The following AFTPH variants were observed in gnomAD, a reference collection of about 807,000 sequenced individuals.
AFTPH encodes aftiphilin protein.
AFTPH carries 7 observed loss-of-function variants against 72.5 expected under a neutral mutation model. That is an observed-to-expected ratio of 0.10 (90% CI 0.05 to 0.18). AFTPH has a LOEUF of 0.18. AFTPH is among the 10% of genes least tolerant of loss of function. The pLI, the probability that AFTPH is intolerant of heterozygous loss-of-function variation, is 1.00. For synonymous variants in AFTPH, 337 were observed against 370.1 expected (o/e 0.91, Z 1.03); for missense variants, 979 against 1,060.5 (o/e 0.92, Z 1.07).
At chr2:64,552,877 T>G in exon 2 of AFTPH, 1 of 1,614,214 alleles carries the variant, frequency 6.2e-7, no homozygotes, top group South Asian at 1.1e-5. Context: ...TCAGAGCACT[T>G]TCCACATTTT....
chr2:64,567,857 A>G, intron 3 of AFTPH, 144 bp downstream of exon 3: 1 of 798,126 alleles, frequency 1.3e-6, no homozygotes, highest in Non-Finnish European at 1.9e-6. Flanking sequence ...CCTAGCCAAC[A>G]TGGTGAAACC....
At chr2:64,559,895 G>C (rs1051910766) in intron 2 of AFTPH, among the ~76,000 whole-genome samples, 4 of 152,038 alleles carry the variant, frequency 2.6e-5, no homozygotes, top group Non-Finnish European at 4.4e-5. Context: ...TATAGAAATG[G>C]GATTTTGCCA....
At chr2:64,589,319 C>T (rs1477357913) in intron 8 of AFTPH, among the ~76,000 whole-genome samples, 1 of 152,110 alleles carries the variant, frequency 6.6e-6, no homozygotes, top group African/African-American at 2.4e-5. Flanking sequence ...AAGGTTTTGG[C>T]ACATTTGTCA....
chr2:64,577,293 A>G (rs1432094898), intron 6 of AFTPH, among the ~76,000 whole-genome samples: 2 of 152,186 alleles, frequency 1.3e-5, no homozygotes, highest in African/African-American at 4.8e-5. Context: ...ATACTTGTAT[A>G]CTTGTGAACA....
intron 1 of AFTPH, among the ~76,000 whole-genome samples, chr2:64,529,636 T>C (rs184752656): frequency 4.0e-5 from 6 of 149,822 alleles, no homozygotes; most frequent in African/African-American, 1.5e-4. Flanking sequence ...CAAATCACTT[T>C]TTTTTTTTTT....
At chr2:64,525,937 A>AGAT (rs1669234788) in intron 1 of AFTPH, among the ~76,000 whole-genome samples, 1 of 152,264 alleles carries the variant, frequency 6.6e-6, no homozygotes, top group African/African-American at 2.4e-5. Context: ...GGCACCTAGC[A>AGAT]GATATTCATT....
At chr2:64,581,207 C>T in intron 7 of AFTPH, 1 of 1,597,754 alleles carries the variant, frequency 6.3e-7, no homozygotes, top group Non-Finnish European at 8.5e-7. Flanking sequence ...AGGTTCCACT[C>T]TTCTGAACCT....
intron 1 of AFTPH, among the ~76,000 whole-genome samples, chr2:64,531,328 C>G (rs1480419900): frequency 2.0e-5 from 3 of 152,130 alleles, no homozygotes; most frequent in Non-Finnish European, 4.4e-5. Flanking sequence ...ATAATAAAAT[C>G]ACTCCTACCA....
chr2:64,569,584 T>C, intron 4 of AFTPH, 39 bp from the exon 5 acceptor site: 1 of 1,594,002 alleles, frequency 6.3e-7, no homozygotes, highest in Non-Finnish European at 8.6e-7. Context: ...GATAGATTAT[T>C]CTCTAAATAT....
At chr2:64,581,647 AGAAT>A (rs1193938452) in intron 7 of AFTPH, among the ~76,000 whole-genome samples, 6 of 150,174 alleles carry the variant, frequency 4.0e-5, no homozygotes, top group Admixed American at 2.6e-4. Context: ...AGAGATAGAT[AGAAT>A]ATTTTAGTAT....
rs144786362 is a variant in AFTPH, at chr2:64,570,070, A to T, written c.2271+391A>T. On this transcript the variant is annotated intron_variant, in intron 5 of 8. Coordinates refer to ENST00000238856, the Ensembl canonical transcript of AFTPH. ...AATGCAATATTGAGGCTATAGATGT[A>T]CATAAAAGCTTAGAAACACCAAATT... 1.8e-4 allele frequency among the ~76,000 whole-genome samples: 28 copies of T among 152,334 alleles called. No homozygotes were observed. In the South Asian group the frequency reaches 3.1e-3, roughly 17 times the overall value.
At chr2:64,576,490 G>GT (rs1672810158) in intron 6 of AFTPH, among the ~76,000 whole-genome samples, 1 of 152,104 alleles carries the variant, frequency 6.6e-6, no homozygotes. Flanking sequence ...GGTGAAAACA[G>GT]TAATTTTACC....
chr2:64,578,630 T>C (rs920490395), intron 6 of AFTPH, among the ~76,000 whole-genome samples: 4 of 151,898 alleles, frequency 2.6e-5, no homozygotes, highest in African/African-American at 9.7e-5. Context: ...CGATCTCGGC[T>C]CACTGCAACC....
intron 6 of AFTPH, among the ~76,000 whole-genome samples, chr2:64,575,747 A>ATATTT (rs1553404083): frequency 1.8e-5 from 2 of 109,744 alleles, no homozygotes; most frequent in South Asian, 3.1e-4. Context: ...GTGTGTATAT[A>ATATTT]TTTTTTTTGG....
At chr2:64,581,317 A>T in intron 7 of AFTPH, 44 bp downstream of exon 8, 1 of 1,493,930 alleles carries the variant, frequency 6.7e-7, no homozygotes, top group African/African-American at 1.4e-5. Flanking sequence ...ATTTACTAAA[A>T]GCATGACCAC....
At chr2:64,583,059 C>T (rs1188996241) in intron 7 of AFTPH, among the ~76,000 whole-genome samples, 1 of 152,010 alleles carries the variant, frequency 6.6e-6, no homozygotes. Flanking sequence ...AATTTGATTA[C>T]TATATATTTG....
intron 1 of AFTPH, among the ~76,000 whole-genome samples, chr2:64,535,529 G>A (rs773490678): frequency 2.6e-5 from 4 of 152,166 alleles, no homozygotes; most frequent in African/African-American, 4.8e-5. Context: ...TTGTGGGACC[G>A]TGAACAGATT....
chr2:64,568,505 A>G (rs1457044143), intron 3 of AFTPH, among the ~76,000 whole-genome samples: 1 of 152,240 alleles, frequency 6.6e-6, no homozygotes, highest in Non-Finnish European at 1.5e-5. Context: ...GGTGGAGCAT[A>G]TCCTCCAATA....
rs539470476 is a variant in AFTPH, at chr2:64,538,242, T to TA, written c.-32-13201_-32-13200insA. On this transcript the variant is annotated intron_variant, in intron 1 of 8. Transcript: ENST00000238856. ...CTCAAGTTGTTTCTAACCAGATGTA[T>TA]TGGGTACCCTGCAAATAAATGTTAT... Among the ~76,000 whole-genome samples, 24 of 152,304 alleles carry TA rather than the reference T, an allele frequency of 1.6e-4. No individual in the cohort carries two copies. In the South Asian group the frequency reaches 4.1e-3, roughly 26 times the overall value.
Sources: allele counts gnomAD v4.1 joint callset (sites outside exome capture counted in the v4.1 genomes callset), GRCh38; gene constraint gnomAD v4.1.1; transcripts MANE v1.5; gene names NCBI Gene and HGNC (gene_info 2026-07-23, HGNC 2026-07-21).